PMFBP1: variants seen among roughly 807,000 people sequenced by gnomAD.
The protein encoded by PMFBP1 is polyamine-modulated factor 1-binding protein 1.
In PMFBP1, 131 loss-of-function variants were observed where a neutral mutation model predicts 137.8. That is an observed-to-expected ratio of 0.95 (90% CI 0.82 to 1.10). The LOEUF is 1.10. Ranked by LOEUF, PMFBP1 falls within the 50% of genes least tolerant of loss-of-function variation. The pLI is 0.00. For synonymous variants in PMFBP1, 490 were observed against 450.4 expected, an observed-to-expected ratio of 1.09 and a Z score of -1.11; for missense variants, 1,199 against 1,175.4, an observed-to-expected ratio of 1.02 and a Z score of -0.29.
intron 3 of PMFBP1, among the ~76,000 whole-genome samples, chr16:72,155,583 C>T (rs1042343158): frequency 3.3e-5 from 5 of 152,318 alleles, no homozygotes; most frequent in African/African-American, 9.6e-5. Context: ...ATGAAAATAG[C>T]GTCCAAGCAA....
At chr16:72,230,454 T>C in the PMFBP1 span, among the ~76,000 whole-genome samples, 1 of 152,190 alleles carries the variant, frequency 6.6e-6, no homozygotes, top group African/African-American at 2.4e-5. Context: ...TCCAAATCTC[T>C]AGCCCAGAAC....
intron 2 of PMFBP1, among the ~76,000 whole-genome samples, chr16:72,165,626 G>A (rs1019357193): frequency 1.3e-5 from 2 of 151,982 alleles, no homozygotes; most frequent in Non-Finnish European, 2.9e-5. Flanking sequence ...CACAGTTTTA[G>A]CCAGGATGGT....
Position 72,136,724 on chromosome 16 carries a change from G to T in PMFBP1, c.1014C>A (p.Ala338=). The change falls in exon 8 of 21, where the codon GCC becomes GCA. Residue 338 remains alanine (A), a synonymous_variant. Coordinates refer to ENST00000237353, the MANE Select transcript of PMFBP1 (RefSeq NM_031293.3). ...TGATGTTTCTCTTCTGTTCCGACAC[G>T]GCCTCTAGTTCCACGCGCAGATCCT... ...LVKDLRVELE[A]VSEQKRNIMK... 1 of 1,613,974 alleles carries T rather than the reference G, an allele frequency of 6.2e-7. No individual in the cohort carries two copies. Among genetic ancestry groups the T allele is most frequent in the Admixed American group, 1.7e-5 (1 of 59,994 alleles).
intron 19 of PMFBP1, chr16:72,120,293 C>T: frequency 1.3e-6 from 1 of 796,978 alleles, no homozygotes; most frequent in Non-Finnish European, 2.0e-6. Context: ...TCTGAGTGGA[C>T]CAGGAGCTGG....
At chr16:72,167,496 TA>T (rs1290563505) in intron 2 of PMFBP1, among the ~76,000 whole-genome samples, 1 of 152,150 alleles carries the variant, frequency 6.6e-6, no homozygotes, top group Non-Finnish European at 1.5e-5. Context: ...CTTAAGACAA[TA>T]TGTGTAGAGT....
chr16:72,122,894 G>A lies in PMFBP1; in HGVS notation c.2768+20C>T, dbSNP rs780463803. 1.9e-5 allele frequency: 30 copies of A among 1,607,048 alleles called. No individual in the cohort carries two copies. Among genetic ancestry groups the A allele is most frequent in the African/African-American group, 2.7e-5 (2 of 74,750 alleles). On this transcript the variant is annotated intron_variant, in intron 19 of 20. Transcript: ENST00000237353. ...TTGTCAGCTCCCAGGAAGCAGCCAG[G>A]GTGGTTTAAGATGACTTACTCCTTT...
chr16:72,150,890 C>A (rs1229340027), intron 4 of PMFBP1, 61 bp from the exon 5 acceptor site: 10 of 1,428,274 alleles, frequency 7.0e-6, no homozygotes, highest in Non-Finnish European at 2.0e-6. Context: ...GGAAAGGATG[C>A]GGTTGTAAGA....
chr16:72,228,441 A>T, the PMFBP1 span, among the ~76,000 whole-genome samples: 1 of 152,282 alleles, frequency 6.6e-6, no homozygotes, highest in South Asian at 2.1e-4. Context: ...CTCCATCTGC[A>T]CATCACTTCA....
intron 3 of PMFBP1, among the ~76,000 whole-genome samples, chr16:72,157,472 C>T (rs2043000271): frequency 6.6e-6 from 1 of 152,030 alleles, no homozygotes; most frequent in Non-Finnish European, 1.5e-5. Flanking sequence ...GAGTGATGGC[C>T]TTGGAGGTGG....
At chr16:72,205,680 C>T in the PMFBP1 span, among the ~76,000 whole-genome samples, 5 of 152,200 alleles carry the variant, frequency 3.3e-5, no homozygotes, top group Admixed American at 1.3e-4. Context: ...GGCCTCCTTT[C>T]ATGAGGTTCC....
the PMFBP1 span, among the ~76,000 whole-genome samples, chr16:72,200,824 T>G: frequency 6.6e-6 from 1 of 152,080 alleles, no homozygotes; most frequent in Non-Finnish European, 1.5e-5. Flanking sequence ...TCTAGAAAGG[T>G]TGGGGCTAGA....
intron 5 of PMFBP1, among the ~76,000 whole-genome samples, chr16:72,145,869 G>T (rs1201751611): frequency 6.6e-6 from 1 of 152,180 alleles, no homozygotes; most frequent in Non-Finnish European, 1.5e-5. Context: ...AACAGGTTAT[G>T]AAATTGAGGC....
the PMFBP1 span, among the ~76,000 whole-genome samples, chr16:72,246,952 C>T: frequency 6.6e-6 from 1 of 152,236 alleles, no homozygotes; most frequent in Admixed American, 6.5e-5. Flanking sequence ...TGATACCCTC[C>T]TACTGTTCAG....
the PMFBP1 span, among the ~76,000 whole-genome samples, chr16:72,210,368 T>C: frequency 6.6e-6 from 1 of 152,198 alleles, no homozygotes; most frequent in Admixed American, 6.5e-5. Context: ...TGTAGACAAG[T>C]CTGATCTGTA....
the PMFBP1 span, among the ~76,000 whole-genome samples, chr16:72,205,261 G>A: frequency 2.3e-4 from 35 of 152,348 alleles, no homozygotes; most frequent in South Asian, 1.4e-3. Flanking sequence ...ACTCCAAAGC[G>A]CTGAAGCGTT....
At chr16:72,203,490 T>G in the PMFBP1 span, among the ~76,000 whole-genome samples, 1 of 152,338 alleles carries the variant, frequency 6.6e-6, no homozygotes, top group East Asian at 1.9e-4. Flanking sequence ...TGGATGTGAT[T>G]TAAGTTCTGC....
chr16:72,129,228 C>T lies in PMFBP1; in HGVS notation c.1788G>A (p.Arg596=). The T allele has an allele frequency of 1.2e-6, 2 of 1,610,120 alleles. No individual in the cohort carries two copies. The highest frequency in any genetic ancestry group is 1.7e-6 in the Non-Finnish European group (2 of 1,179,668). The change falls in exon 13 of 21, where the codon AGG becomes AGA. Residue 596 remains arginine (R), a synonymous_variant. Transcript: ENST00000237353. ...ACTTGCATTTGATGGAGCCTTGCTC[C>T]CTGTGCTGAAAAAATAAAGACTGAG... ...DMLDRIKHQH[R]EQGSIKCKLE...
At chr16:72,233,521 C>T in the PMFBP1 span, among the ~76,000 whole-genome samples, 29 of 152,022 alleles carry the variant, frequency 1.9e-4, no homozygotes, top group Non-Finnish European at 3.8e-4. Flanking sequence ...AGAATAATTA[C>T]CAATACTATT....
intron 19 of PMFBP1, among the ~76,000 whole-genome samples, chr16:72,121,683 G>T (rs777027926): frequency 5.9e-5 from 9 of 152,140 alleles, no homozygotes; most frequent in Non-Finnish European, 1.2e-4. Flanking sequence ...AGAGTGCAGT[G>T]GTGTGAACAT....
Sources: gnomAD v4.1 joint callset for allele counts (sites outside exome capture counted in the v4.1 genomes callset) on GRCh38, gnomAD v4.1.1 for gene constraint, MANE v1.5 for transcripts, NCBI Gene and HGNC (gene_info 2026-07-23, HGNC 2026-07-21) for gene names.